DLG2: variants seen among roughly 807,000 people sequenced by gnomAD.
The protein encoded by DLG2 is discs large MAGUK scaffold protein 2.
A neutral mutation model predicts 132.5 loss-of-function variants in DLG2; 45 were observed. The observed-to-expected ratio is 0.34, with a 90% CI of 0.27 to 0.44. The LOEUF (loss-of-function observed/expected upper bound fraction) is 0.44, where lower values mean the gene tolerates loss of function less well. DLG2 is among the 20% of genes least tolerant of loss of function. The probability of loss-of-function intolerance (pLI) is 1.00; values close to 1 mark genes in which losing one functional copy is unlikely to be tolerated. For synonymous variants in DLG2, 424 were observed against 419.6 expected (o/e 1.01, Z -0.13); for missense variants, 1,045 against 1,196.9 (o/e 0.87, Z 1.87).
At chr11:84,435,721 T>C (rs532489476) in intron 7 of DLG2, among the ~76,000 whole-genome samples, 44 of 152,322 alleles carry the variant, frequency 2.9e-4, no homozygotes, top group African/African-American at 7.9e-4. Context: ...TGAAAGCCCC[T>C]TACTAGCTCC....
rs1458507489 is a variant in DLG2 at position 84,618,419 on chromosome 11, T to C, written c.358-83688A>G. 2.6e-5 allele frequency among the ~76,000 whole-genome samples: 4 copies of C among 152,042 alleles called. No individual in the cohort carries two copies. The South Asian group carries it at 6.2e-4, about 24-fold the overall frequency. On this transcript the variant is annotated intron_variant, in intron 6 of 27. Transcript: ENST00000376104. ...TGGTTTTAATACATTCTAACCATCA[T>C]CCTTTTAATGAATCTCAGCCATGTA...
chr11:85,382,318 C>G (rs2085959225), intron 3 of DLG2, among the ~76,000 whole-genome samples: 1 of 151,970 alleles, frequency 6.6e-6, no homozygotes, highest in Admixed American at 6.6e-5. Flanking sequence ...AATTCATATG[C>G]AAAGGAATCA....
At chr11:84,902,851 T>C (rs1246275209) in intron 6 of DLG2, among the ~76,000 whole-genome samples, 1 of 152,202 alleles carries the variant, frequency 6.6e-6, no homozygotes, top group East Asian at 1.9e-4. Context: ...GCTGAATGTA[T>C]GAGTCTCAGC....
intron 3 of DLG2, among the ~76,000 whole-genome samples, chr11:85,494,589 C>T (rs886864596): frequency 1.3e-5 from 2 of 149,834 alleles, no homozygotes; most frequent in Non-Finnish European, 3.0e-5. Context: ...TGCTGACATA[C>T]ATTTTATATA....
At chr11:85,192,593 C>T (rs652682) in intron 4 of DLG2, among the ~76,000 whole-genome samples, 18,983 of 152,212 alleles carry the variant, frequency 0.12, 1,608 homozygotes, top group East Asian at 0.3. Flanking sequence ...TGCTAGGAAA[C>T]ATGATAGCTA....
At chr11:83,917,098 T>C (rs2077040823) in intron 15 of DLG2, among the ~76,000 whole-genome samples, 1 of 152,178 alleles carries the variant, frequency 6.6e-6, no homozygotes, top group Non-Finnish European at 1.5e-5. Flanking sequence ...TTCCATTTCT[T>C]TTTACTTATC....
intron 14 of DLG2, among the ~76,000 whole-genome samples, chr11:83,960,662 A>G (rs2088427374): frequency 6.6e-6 from 1 of 151,538 alleles, no homozygotes; most frequent in African/African-American, 2.4e-5. Context: ...TCAATTGAAT[A>G]GTTCTTAGAT....
At chr11:85,492,438 T>TA (rs1434793804) in intron 3 of DLG2, among the ~76,000 whole-genome samples, 6 of 152,124 alleles carry the variant, frequency 3.9e-5, no homozygotes, top group East Asian at 1.9e-4. Flanking sequence ...CATGGTTTTC[T>TA]AAAAAAAACT....
chr11:84,427,099 A>G (rs1186621608), intron 7 of DLG2, among the ~76,000 whole-genome samples: 1 of 152,148 alleles, frequency 6.6e-6, no homozygotes, highest in Non-Finnish European at 1.5e-5. Context: ...TGACAGAGAA[A>G]GTTCATTCGG....
At chr11:84,717,682 T>C (rs2061377714) in intron 6 of DLG2, among the ~76,000 whole-genome samples, 1 of 152,000 alleles carries the variant, frequency 6.6e-6, no homozygotes, top group Non-Finnish European at 1.5e-5. Flanking sequence ...TTAATAAAGA[T>C]GAAGAATTTA....
chr11:84,563,667 C>G (rs566118260), intron 6 of DLG2, among the ~76,000 whole-genome samples: 2 of 152,260 alleles, frequency 1.3e-5, no homozygotes, highest in South Asian at 2.1e-4. Context: ...TACACTCATG[C>G]GTAGCTGGCT....
intron 6 of DLG2, among the ~76,000 whole-genome samples, chr11:84,612,144 T>C (rs920184741): frequency 6.6e-6 from 1 of 152,154 alleles, no homozygotes; most frequent in Non-Finnish European, 1.5e-5. Context: ...AGATTGAGTT[T>C]TCTAGAATTT....
At chr11:85,373,866 G>T (rs983661559) in intron 3 of DLG2, among the ~76,000 whole-genome samples, 1 of 151,688 alleles carries the variant, frequency 6.6e-6, no homozygotes, top group African/African-American at 2.4e-5. Context: ...ATGTAGATCT[G>T]GCCCCTTTGC....
At chr11:84,531,668 C>G (rs889094961) in intron 7 of DLG2, among the ~76,000 whole-genome samples, 1 of 152,138 alleles carries the variant, frequency 6.6e-6, no homozygotes, top group African/African-American at 2.4e-5. Flanking sequence ...TACCACAGAA[C>G]TGGTGGTTCC....
chr11:85,255,263 T>G (rs1194992088), intron 4 of DLG2, among the ~76,000 whole-genome samples: 1 of 152,144 alleles, frequency 6.6e-6, no homozygotes, highest in African/African-American at 2.4e-5. Flanking sequence ...AATAAGCAAC[T>G]TAAGTTTATG....
chr11:85,289,440 G>A (rs1196327539), intron 3 of DLG2, among the ~76,000 whole-genome samples: 1 of 152,028 alleles, frequency 6.6e-6, no homozygotes, highest in African/African-American at 2.4e-5. Context: ...AATATTTGAA[G>A]TCAGAGATCT....
chr11:84,800,440 G>C (rs1023302734), intron 6 of DLG2: 1 of 152,114 alleles, frequency 6.6e-6, no homozygotes, highest in Non-Finnish European at 1.5e-5. Flanking sequence ...TAATTAAGAG[G>C]ATTTAAAGCA....
At chr11:83,806,586 G>A (rs117860118) in intron 17 of DLG2, among the ~76,000 whole-genome samples, 181 of 152,248 alleles carry the variant, frequency 1.2e-3, no homozygotes, top group Non-Finnish European at 2.3e-3. Context: ...CCTTTTTAAT[G>A]AATAAATATC....
intron 18 of DLG2, among the ~76,000 whole-genome samples, chr11:83,727,986 G>A (rs1380394677): frequency 6.6e-6 from 1 of 152,132 alleles, no homozygotes; most frequent in African/African-American, 2.4e-5. Context: ...AAAGTCTTTG[G>A]TTAGTGGTAT....
Sources: gnomAD v4.1 joint callset for allele counts (sites outside exome capture counted in the v4.1 genomes callset) on GRCh38, gnomAD v4.1.1 for gene constraint, MANE v1.5 for transcripts, NCBI Gene and HGNC (gene_info 2026-07-23, HGNC 2026-07-21) for gene names.